Variants in GRIP1 observed in about 807,000 individuals in gnomAD.
The protein encoded by GRIP1 is glutamate receptor interacting protein 1.
A neutral mutation model predicts 129.9 loss-of-function variants in GRIP1; 45 were observed. The observed-to-expected ratio is 0.35, with a 90% CI of 0.27 to 0.44. The LOEUF (loss-of-function observed/expected upper bound fraction) is 0.44, where lower values mean the gene tolerates loss of function less well. Among genes scored for constraint, GRIP1 ranks in the 20% least tolerant of loss-of-function variants. The pLI, the probability that GRIP1 is intolerant of heterozygous loss-of-function variation, is 1.00. For synonymous variants in GRIP1, 530 were observed against 520.8 expected, an observed-to-expected ratio of 1.02 and a Z score of -0.24; for missense variants, 1,196 against 1,396.8, an observed-to-expected ratio of 0.86 and a Z score of 2.29.
intron 6 of GRIP1, among the ~76,000 whole-genome samples, chr12:66,517,605 C>A (rs35666435): frequency 0.47 from 71,294 of 151,906 alleles, 16,919 homozygotes; most frequent in African/African-American, 0.54. Context: ...TATATATCTC[C>A]AATCTTTGAT....
chr12:66,580,016 G>C (rs2063309558), intron 2 of GRIP1, among the ~76,000 whole-genome samples: 1 of 148,596 alleles, frequency 6.7e-6, no homozygotes, highest in African/African-American at 2.5e-5. Context: ...AGAAAGGTCG[G>C]GTTACCCACA....
chr12:66,831,606 A>C (rs2039519762), intron 1 of GRIP1, among the ~76,000 whole-genome samples: 1 of 152,206 alleles, frequency 6.6e-6, no homozygotes, highest in African/African-American at 2.4e-5. Flanking sequence ...AGAATTAAAA[A>C]CTGAAACTCT....
chr12:66,560,550 C>G (rs144477131), intron 2 of GRIP1, among the ~76,000 whole-genome samples: 2 of 151,978 alleles, frequency 1.3e-5, no homozygotes, highest in African/African-American at 2.4e-5. Context: ...AAAAGAGAGA[C>G]AAATGGCAAA....
At chr12:66,785,339 C>CATATATATATATATATATATATATAT (rs1242812457) in intron 1 of GRIP1, among the ~76,000 whole-genome samples, 50 of 36,434 alleles carry the variant, frequency 1.4e-3, no homozygotes, top group Non-Finnish European at 2.1e-3. Context: ...TACATACATA[C>CATATATATATATATATATATATATAT]ATACATATAT....
chr12:66,447,461 A>T (rs1227286337), intron 11 of GRIP1, among the ~76,000 whole-genome samples: 4 of 152,158 alleles, frequency 2.6e-5, no homozygotes, highest in Non-Finnish European at 5.9e-5. Context: ...TTCTACCCTA[A>T]ATCATGGTCA....
At chr12:66,401,655 C>CACAT (rs1565702449) in intron 16 of GRIP1, among the ~76,000 whole-genome samples, 4 of 145,426 alleles carry the variant, frequency 2.8e-5, no homozygotes, top group South Asian at 2.2e-4. Context: ...CACACACACA[C>CACAT]ATATATCTCC....
At chr12:66,490,396 T>C (rs1390029619) in intron 7 of GRIP1, among the ~76,000 whole-genome samples, 1 of 152,186 alleles carries the variant, frequency 6.6e-6, no homozygotes, top group Non-Finnish European at 1.5e-5. Context: ...CCTTATTTAA[T>C]AAGTGGTGCT....
intron 1 of GRIP1, among the ~76,000 whole-genome samples, chr12:66,970,602 T>G (rs1013514050): frequency 1.8e-4 from 22 of 124,014 alleles, no homozygotes; most frequent in African/African-American, 6.4e-4. Flanking sequence ...CCCCCTCTCC[T>G]TGGCCAGCCA....
chr12:66,634,012 T>C (rs2031107435), intron 1 of GRIP1, among the ~76,000 whole-genome samples: 1 of 152,232 alleles, frequency 6.6e-6, no homozygotes. Context: ...ATGGTTTATG[T>C]TCGACTTCAA....
rs190883854 is a variant in GRIP1, at chr12:66,981,976, G to A, written c.58+87074C>T. Among the ~76,000 whole-genome samples the A allele has an allele frequency of 3.3e-5, 5 of 152,322 alleles. No homozygotes were observed. In the East Asian group the frequency reaches 9.6e-4, roughly 29 times the overall value. ...GAGAAAAATCACTGCTGTTACCTTT[G>A]AGGAAACTGAATTCTAGTTGCAGCT... On this transcript the variant is annotated intron_variant, in intron 1 of 1. Transcript: ENST00000643019.
intron 1 of GRIP1, among the ~76,000 whole-genome samples, chr12:67,006,162 C>T (rs776947990): frequency 7.2e-5 from 11 of 152,084 alleles, no homozygotes; most frequent in Non-Finnish European, 1.5e-4. Flanking sequence ...TAGAAAGAGA[C>T]ATCCAGAAAC....
At chr12:66,860,326 T>C (rs1403982138) in intron 1 of GRIP1, among the ~76,000 whole-genome samples, 1 of 152,012 alleles carries the variant, frequency 6.6e-6, no homozygotes, top group Non-Finnish European at 1.5e-5. Context: ...TCTCTTAGAG[T>C]TGTTACAAAG....
At chr12:66,688,107 C>T (rs1242959579) in intron 1 of GRIP1, among the ~76,000 whole-genome samples, 7 of 152,270 alleles carry the variant, frequency 4.6e-5, no homozygotes, top group African/African-American at 1.7e-4. Flanking sequence ...CCGGATTCAT[C>T]CATTTCTAAA....
chr12:66,545,594 T>A (rs950822821), intron 2 of GRIP1, among the ~76,000 whole-genome samples: 6 of 152,158 alleles, frequency 3.9e-5, no homozygotes, highest in Non-Finnish European at 8.8e-5. Flanking sequence ...GGATATAAGA[T>A]TAGAATAAAT....
At chr12:66,536,618 C>T (rs928889094) in intron 4 of GRIP1, among the ~76,000 whole-genome samples, 1 of 152,178 alleles carries the variant, frequency 6.6e-6, no homozygotes, top group Non-Finnish European at 1.5e-5. Flanking sequence ...GCTGTCCTAA[C>T]CACCCTATTT....
chr12:66,947,744 A>T (rs2041694652), intron 1 of GRIP1, among the ~76,000 whole-genome samples: 1 of 152,244 alleles, frequency 6.6e-6, no homozygotes, highest in Admixed American at 6.5e-5. Context: ...TCTTTTCAAT[A>T]GTAAAACTTC....
chr12:66,658,456 A>G (rs925184067), intron 1 of GRIP1, among the ~76,000 whole-genome samples: 4 of 152,076 alleles, frequency 2.6e-5, no homozygotes. Flanking sequence ...ATGATAAGCA[A>G]CCAACTTAAA....
chr12:66,456,711 A>T (rs559625568), intron 9 of GRIP1, among the ~76,000 whole-genome samples: 1 of 152,300 alleles, frequency 6.6e-6, no homozygotes, highest in Admixed American at 6.5e-5. Context: ...CACAATTAGT[A>T]ATTAAAGATT....
intron 1 of GRIP1, among the ~76,000 whole-genome samples, chr12:66,636,551 A>G (rs1225582919): frequency 1.3e-5 from 2 of 152,172 alleles, no homozygotes; most frequent in Non-Finnish European, 2.9e-5. Context: ...CCCTAAATTC[A>G]TATGTTGAAC....
Sources: allele counts gnomAD v4.1 joint callset (sites outside exome capture counted in the v4.1 genomes callset), GRCh38; gene constraint gnomAD v4.1.1; transcripts MANE v1.5; gene names NCBI Gene and HGNC (gene_info 2026-07-23, HGNC 2026-07-21).